The following PARD3 variants were observed in gnomAD, a reference collection of about 807,000 sequenced individuals.
The protein encoded by PARD3 is par-3 family cell polarity regulator, also known as partitioning defective 3 homolog.
A neutral mutation model predicts 155.4 loss-of-function variants in PARD3; 75 were observed. The observed-to-expected ratio is 0.48, with a 90% CI of 0.40 to 0.58. The LOEUF (loss-of-function observed/expected upper bound fraction) is 0.58. Among genes scored for constraint, PARD3 ranks in the 20% least tolerant of loss-of-function variants. PARD3 has a pLI of 0.00. For synonymous variants in PARD3, 576 were observed against 610.5 expected, an observed-to-expected ratio of 0.94 and a Z score of 0.83; for missense variants, 1,642 against 1,721.7, an observed-to-expected ratio of 0.95 and a Z score of 0.82.
intron 2 of PARD3, among the ~76,000 whole-genome samples, chr10:34,640,403 G>C (rs1356678264): frequency 2.0e-5 from 3 of 152,134 alleles, no homozygotes; most frequent in Non-Finnish European, 2.9e-5. Flanking sequence ...GATCACCTGA[G>C]GTCAGGAGTT....
chr10:34,115,166 T>C (rs1442238897), intron 24 of PARD3, among the ~76,000 whole-genome samples: 1 of 152,042 alleles, frequency 6.6e-6, no homozygotes, highest in Admixed American at 6.5e-5. Context: ...GGAAGTAGAT[T>C]GGAGACATAA....
rs536096939 is a variant in PARD3, at chr10:34,633,355, G to A, written c.222+62963C>T. On this transcript the variant is annotated intron_variant, in intron 2 of 24. Transcript: ENST00000374788. Reference sequence around the variant, plus strand: ...GATCTCCCCAACCCCCCTCCCAACCGCTAACCTCCCAACCTCTAACCCCCA... The same window carrying A: ...GATCTCCCCAACCCCCCTCCCAACCACTAACCTCCCAACCTCTAACCCCCA... Among the ~76,000 whole-genome samples, 58 of 116,870 alleles carry A rather than the reference G, an allele frequency of 5.0e-4. 1 individual carries two copies. The highest frequency in any genetic ancestry group is 1.8e-3 in the African/African-American group (54 of 29,412). The allele number at this position is 116,870 out of a possible 152,430, so 76.7% of individuals were successfully genotyped here.
chr10:34,701,697 C>T (rs568451111), intron 1 of PARD3, among the ~76,000 whole-genome samples: 1 of 152,190 alleles, frequency 6.6e-6, no homozygotes, highest in South Asian at 2.1e-4. Flanking sequence ...GAGCTCCAGA[C>T]TAGTCTGGGG....
At chr10:34,508,022 T>G (rs949998812) in intron 3 of PARD3, among the ~76,000 whole-genome samples, 1 of 152,100 alleles carries the variant, frequency 6.6e-6, no homozygotes, top group Non-Finnish European at 1.5e-5. Flanking sequence ...ATACCAAAGG[T>G]GTTGGATATT....
At chr10:34,326,502 A>T (rs1835047013) in intron 19 of PARD3, among the ~76,000 whole-genome samples, 1 of 152,222 alleles carries the variant, frequency 6.6e-6, no homozygotes, top group Non-Finnish European at 1.5e-5. Flanking sequence ...TCTGATCCCA[A>T]ATTCTTCCAC....
chr10:34,203,046 C>T (rs1444211706), intron 22 of PARD3, among the ~76,000 whole-genome samples: 1 of 151,190 alleles, frequency 6.6e-6, no homozygotes, highest in Non-Finnish European at 1.5e-5. Context: ...CACCCCCACT[C>T]CAGCACCCTG....
At chr10:34,144,787 T>A (rs1393084405) in intron 22 of PARD3, among the ~76,000 whole-genome samples, 1 of 152,158 alleles carries the variant, frequency 6.6e-6, no homozygotes, top group African/African-American at 2.4e-5. Flanking sequence ...GATTTTACAA[T>A]CTGATTTTTC....
intron 1 of PARD3, among the ~76,000 whole-genome samples, chr10:34,740,283 G>A (rs757098147): frequency 5.9e-5 from 9 of 152,200 alleles, no homozygotes; most frequent in Non-Finnish European, 1.0e-4. Context: ...AGAGGGCTCC[G>A]ACAGCCCTCC....
intron 20 of PARD3, among the ~76,000 whole-genome samples, chr10:34,288,677 T>C (rs1476102266): frequency 2.0e-5 from 3 of 152,168 alleles, no homozygotes; most frequent in Non-Finnish European, 2.9e-5. Flanking sequence ...ACCTGGAAGA[T>C]ATCAATTATT....
At chr10:34,349,580 T>TAAAAAAAAAAAAAAAA in intron 14 of PARD3, among the ~76,000 whole-genome samples, 2 of 44,712 alleles carry the variant, frequency 4.5e-5, no homozygotes, top group African/African-American at 2.2e-4. Context: ...TCTGGGAAAG[T>TAAAAAAAAAAAAAAAA]AAAAAAAAAA....
intron 5 of PARD3, among the ~76,000 whole-genome samples, chr10:34,430,938 A>G (rs1326212595): frequency 1.3e-5 from 2 of 152,248 alleles, no homozygotes; most frequent in Non-Finnish European, 2.9e-5. Context: ...AATGAAGAGG[A>G]ACATGTAGGT....
chr10:34,500,785 C>A (rs564084340), intron 3 of PARD3, among the ~76,000 whole-genome samples: 1 of 151,988 alleles, frequency 6.6e-6, no homozygotes, highest in Non-Finnish European at 1.5e-5. Flanking sequence ...AATACAGTAA[C>A]GTAACTTGTG....
At chr10:34,768,380 C>T (rs567329043) in intron 1 of PARD3, among the ~76,000 whole-genome samples, 1 of 151,846 alleles carries the variant, frequency 6.6e-6, no homozygotes, top group Admixed American at 6.6e-5. Context: ...CGGGACAACT[C>T]GAAGCAAAGG....
intron 1 of PARD3, among the ~76,000 whole-genome samples, chr10:34,778,704 A>G (rs1217855209): frequency 2.6e-5 from 4 of 152,220 alleles, no homozygotes; most frequent in Admixed American, 1.3e-4. Flanking sequence ...TATTTTATGA[A>G]TTACATGACT....
At chr10:34,591,572 T>A (rs1387592375) in intron 2 of PARD3, among the ~76,000 whole-genome samples, 2 of 152,176 alleles carry the variant, frequency 1.3e-5, no homozygotes, top group Admixed American at 6.5e-5. Flanking sequence ...TGATGGAGCA[T>A]GACTTGTCGA....
intron 2 of PARD3, among the ~76,000 whole-genome samples, chr10:34,658,788 A>G (rs575779210): frequency 2.0e-4 from 31 of 152,234 alleles, no homozygotes; most frequent in Non-Finnish European, 2.6e-4. Context: ...CGAAAAGCAG[A>G]GCACAAATGG....
chr10:34,560,987 G>A (rs2085421670), intron 2 of PARD3, among the ~76,000 whole-genome samples: 1 of 152,126 alleles, frequency 6.6e-6, no homozygotes, highest in South Asian at 2.1e-4. Flanking sequence ...CACTATTTGG[G>A]ATAAGCTTTT....
chr10:34,665,014 G>A (rs958335901), intron 2 of PARD3, among the ~76,000 whole-genome samples: 4 of 151,898 alleles, frequency 2.6e-5, no homozygotes, highest in Non-Finnish European at 4.4e-5. Flanking sequence ...ACAGAGACAG[G>A]GAGGGAAAGA....
chr10:34,309,742 T>A (rs1385281363), intron 20 of PARD3, among the ~76,000 whole-genome samples: 2 of 138,096 alleles, frequency 1.4e-5, no homozygotes, highest in African/African-American at 6.0e-5. Context: ...GGTTCAACCA[T>A]CTCCCCCACC....
Sources: allele counts gnomAD v4.1 joint callset (sites outside exome capture counted in the v4.1 genomes callset), GRCh38; gene constraint gnomAD v4.1.1; transcripts MANE v1.5; gene names NCBI Gene and HGNC (gene_info 2026-07-23, HGNC 2026-07-21).